Variants in CMIP observed in about 807,000 individuals in gnomAD.
The protein encoded by CMIP is c-Maf inducing protein, also known as C-Maf-inducing protein.
A neutral mutation model predicts 97.3 loss-of-function variants in CMIP; 13 were observed. The ratio of observed to expected loss-of-function variants is 0.13; its 90% CI spans 0.09 to 0.21. The LOEUF (loss-of-function observed/expected upper bound fraction) is 0.21, where lower values mean the gene tolerates loss of function less well. Ranked by LOEUF, CMIP falls within the 10% of genes least tolerant of loss-of-function variation. The probability of loss-of-function intolerance (pLI) is 1.00; values close to 1 mark genes in which losing one functional copy is unlikely to be tolerated. For missense variants in CMIP, 847 were observed against 1,024.9 expected (o/e 0.83, Z 2.37); for synonymous variants, 538 against 436.3 (o/e 1.23, Z -2.91).
At chr16:81,547,311 G>A (rs575814769) in intron 1 of CMIP, among the ~76,000 whole-genome samples, 4 of 152,204 alleles carry the variant, frequency 2.6e-5, no homozygotes, top group South Asian at 4.1e-4. Context: ...TGTGTGCAGC[G>A]AGGGTGACTC....
At chr16:81,611,788 G>A (rs1597145343) in intron 2 of CMIP, among the ~76,000 whole-genome samples, 1 of 152,298 alleles carries the variant, frequency 6.6e-6, no homozygotes, top group South Asian at 2.1e-4. Flanking sequence ...GTTAGAATTT[G>A]AATCAATGCC....
chr16:81,580,745 C>T (rs1360705725), intron 1 of CMIP, among the ~76,000 whole-genome samples: 5 of 151,744 alleles, frequency 3.3e-5, no homozygotes, highest in African/African-American at 9.7e-5. Flanking sequence ...TGCAGTGAGC[C>T]GAAATCATGC....
intron 1 of CMIP, chr16:81,475,912 G>C (rs969910287): frequency 8.0e-4 from 314 of 390,504 alleles, no homozygotes; most frequent in Admixed American, 1.4e-3. Context: ...GCATGAACCC[G>C]GGAGGCAGAG....
At chr16:81,500,239 TTTCC>T (rs1458286623) in intron 1 of CMIP, among the ~76,000 whole-genome samples, 1 of 104,316 alleles carries the variant, frequency 9.6e-6, no homozygotes, top group Non-Finnish European at 2.0e-5. Context: ...TTTATCAAAA[TTTCC>T]TTCCTTCCTT....
intron 1 of CMIP, among the ~76,000 whole-genome samples, chr16:81,564,412 C>T (rs1014016606): frequency 6.6e-6 from 1 of 152,184 alleles, no homozygotes; most frequent in Non-Finnish European, 1.5e-5. Context: ...GTAATGGTCT[C>T]AGAGCAGAAA....
At chr16:81,577,118 C>T (rs1009890756) in intron 1 of CMIP, among the ~76,000 whole-genome samples, 4 of 144,830 alleles carry the variant, frequency 2.8e-5, no homozygotes, top group African/African-American at 1.1e-4. Context: ...CCATCACCAC[C>T]ATCATAACTA....
chr16:81,530,936 T>C (rs1400562624), intron 1 of CMIP, among the ~76,000 whole-genome samples: 1 of 152,248 alleles, frequency 6.6e-6, no homozygotes, highest in African/African-American at 2.4e-5. Context: ...CTTCTCCTGC[T>C]GAACTGTCGA....
chr16:81,598,526 C>T (rs1283844922), intron 1 of CMIP, among the ~76,000 whole-genome samples: 1 of 152,196 alleles, frequency 6.6e-6, no homozygotes, highest in Non-Finnish European at 1.5e-5. Flanking sequence ...AACTTTAGAG[C>T]TATCACCAAG....
intron 1 of CMIP, among the ~76,000 whole-genome samples, chr16:81,540,727 C>A (rs1389382470): frequency 6.6e-6 from 1 of 151,342 alleles, no homozygotes; most frequent in East Asian, 1.9e-4. Context: ...GTTGCCCAAG[C>A]TGGAGTGCAG....
intron 1 of CMIP, among the ~76,000 whole-genome samples, chr16:81,582,353 G>A (rs1349626004): frequency 1.3e-5 from 2 of 152,250 alleles, no homozygotes; most frequent in Admixed American, 6.5e-5. Context: ...CTCCTTGAGC[G>A]TGACAGGGCC....
At chr16:81,694,325 G>A (rs1356802658) in intron 13 of CMIP, among the ~76,000 whole-genome samples, 3 of 152,202 alleles carry the variant, frequency 2.0e-5, no homozygotes, top group Non-Finnish European at 4.4e-5. Context: ...CTAGACTCGT[G>A]CTCCCGGCAG....
intron 1 of CMIP, among the ~76,000 whole-genome samples, chr16:81,506,181 A>G (rs999141632): frequency 4.3e-4 from 65 of 152,258 alleles, no homozygotes; most frequent in African/African-American, 1.5e-3. Context: ...AGGTTAAGGA[A>G]CTTCCTGCAG....
At position 81,655,465 on chromosome 16, in the gene CMIP, C is replaced by T. The variant is rs984452475; in HGVS notation, c.640-2310C>T. Among the ~76,000 whole-genome samples the T allele has an allele frequency of 2.6e-5, 4 of 152,138 alleles. No individual in the cohort carries two copies. Among genetic ancestry groups the T allele is most frequent in the Admixed American group, 1.3e-4 (2 of 15,284 alleles). On this transcript the variant is annotated intron_variant, in intron 4 of 20. Coordinates refer to ENST00000537098, the MANE Select transcript of CMIP (RefSeq NM_198390.3). The surrounding 1 kb of genome is among the most constrained non-coding windows in gnomAD (Gnocchi z 4.9). ...TTTGTTGAGTTGCGTGTAAAGTGGC[C>T]GCTTAGCTCGAGAGTCAGGTGTTCC...
At chr16:81,649,227 A>G (rs1041924557) in intron 3 of CMIP, among the ~76,000 whole-genome samples, 1 of 152,250 alleles carries the variant, frequency 6.6e-6, no homozygotes, top group African/African-American at 2.4e-5. Context: ...TCTGGCTCTG[A>G]ATACAGCCTC....
At chr16:81,689,022 G>T (rs1206061789) in intron 10 of CMIP, among the ~76,000 whole-genome samples, 1 of 152,214 alleles carries the variant, frequency 6.6e-6, no homozygotes, top group Non-Finnish European at 1.5e-5. Context: ...ATTCCATGGT[G>T]TATATGTGCC....
intron 1 of CMIP, among the ~76,000 whole-genome samples, chr16:81,496,331 C>A (rs1223625056): frequency 6.6e-6 from 1 of 152,144 alleles, no homozygotes; most frequent in East Asian, 1.9e-4. Flanking sequence ...AACAGACCCC[C>A]TTCATGGGGG....
In CMIP at chr16:81,675,427, C is replaced by T. The variant is rs148836562; in HGVS notation, c.1035-2848C>T. Among the ~76,000 whole-genome samples, 732 of 149,868 alleles carry T rather than the reference C, an allele frequency of 4.9e-3. 5 individuals carry two copies. The highest frequency in any genetic ancestry group is 0.016 in the African/African-American group (665 of 40,600). Reference sequence around the variant, plus strand: ...AGAGATGGGGTTTCGCCATGTTGGCCAGGCTGGTCTCAAACTCCTGGCCTC... The same window carrying T: ...AGAGATGGGGTTTCGCCATGTTGGCTAGGCTGGTCTCAAACTCCTGGCCTC... On this transcript the variant is annotated intron_variant, in intron 9 of 20. Transcript: ENST00000537098.
rs146472889 is a variant in CMIP at position 81,461,685 on chromosome 16, T to C, written c.300+16144T>C. ...GGTGTTCGCTCTTAAGAGATGATTT[T>C]GGGTTAAACAAAGTGTGGTATAGAG... On this transcript the variant is annotated intron_variant, in intron 1 of 20. Coordinates refer to ENST00000537098, the MANE Select transcript of CMIP (RefSeq NM_198390.3). Among the ~76,000 whole-genome samples, 868 of 152,328 alleles carry C rather than the reference T, an allele frequency of 5.7e-3. 6 individuals are homozygous for C. Among genetic ancestry groups the C allele is most frequent in the Non-Finnish European group, 7.5e-3 (513 of 68,036 alleles).
chr16:81,668,850 T>TCTGCCTTCCACACCCACCTCA (rs2092640947), intron 7 of CMIP, among the ~76,000 whole-genome samples: 1 of 120,816 alleles, frequency 8.3e-6, no homozygotes, highest in Non-Finnish European at 1.7e-5. Flanking sequence ...CACCTCACAC[T>TCTGCCTTCCACACCCACCTCA]CACTGCCTTC....
Sources: allele counts gnomAD v4.1 joint callset (sites outside exome capture counted in the v4.1 genomes callset), GRCh38; gene constraint gnomAD v4.1.1; non-coding constraint Gnocchi (gnomAD v3.1); transcripts MANE v1.5; gene names NCBI Gene and HGNC (gene_info 2026-07-23, HGNC 2026-07-21).